The following ERBB4 variants were observed in gnomAD, a reference collection of about 807,000 sequenced individuals.
ERBB4 encodes erb-b2 receptor tyrosine kinase 4, also known as receptor tyrosine-protein kinase erbB-4.
A neutral mutation model predicts 158.0 loss-of-function variants in ERBB4; 42 were observed. The ratio of observed to expected loss-of-function variants is 0.27; its 90% CI spans 0.21 to 0.34. The LOEUF is 0.34. Among genes scored for constraint, ERBB4 ranks in the 10% least tolerant of loss-of-function variants. The probability of loss-of-function intolerance (pLI) is 1.00; values close to 1 mark genes in which losing one functional copy is unlikely to be tolerated. For synonymous variants in ERBB4, 583 were observed against 558.7 expected (o/e 1.04, Z -0.61); for missense variants, 1,333 against 1,624.1 (o/e 0.82, Z 3.08).
chr2:212,415,340 TATTAG>T (rs1214636215), intron 1 of ERBB4, among the ~76,000 whole-genome samples: 6 of 152,266 alleles, frequency 3.9e-5, no homozygotes, highest in African/African-American at 9.6e-5. Context: ...AAGCAGATAC[TATTAG>T]ATTAGATACT....
intron 1 of ERBB4, among the ~76,000 whole-genome samples, chr2:212,271,093 TA>T (rs2085325929): frequency 6.6e-6 from 1 of 151,828 alleles, no homozygotes; most frequent in Non-Finnish European, 1.5e-5. Context: ...ATCGAGCAGT[TA>T]TCATATAATA....
chr2:212,216,717 T>G (rs1204729470), intron 1 of ERBB4, among the ~76,000 whole-genome samples: 3 of 151,342 alleles, frequency 2.0e-5, no homozygotes, highest in Non-Finnish European at 4.4e-5. Context: ...TCTACTATAA[T>G]TGTTCTCACT....
chr2:212,300,729 G>A (rs921631365), intron 1 of ERBB4, among the ~76,000 whole-genome samples: 2 of 151,422 alleles, frequency 1.3e-5, no homozygotes, highest in African/African-American at 2.4e-5. Flanking sequence ...GAACTACCTC[G>A]ATTTTTAGAT....
chr2:211,388,547 T>C (rs768708383), intron 25 of ERBB4, among the ~76,000 whole-genome samples: 32 of 152,190 alleles, frequency 2.1e-4, no homozygotes, highest in Admixed American at 1.1e-3. Context: ...ATATGCTATT[T>C]TATCTTCAGT....
At chr2:211,421,696 G>A (rs1305090075) in intron 24 of ERBB4, among the ~76,000 whole-genome samples, 1 of 151,716 alleles carries the variant, frequency 6.6e-6, no homozygotes, top group Non-Finnish European at 1.5e-5. Context: ...TAATGAACAT[G>A]ACTTACACAT....
chr2:212,525,288 G>C (rs548830707), intron 1 of ERBB4, among the ~76,000 whole-genome samples: 97 of 151,972 alleles, frequency 6.4e-4, no homozygotes, highest in Non-Finnish European at 1.1e-3. Flanking sequence ...CAAAATCAAA[G>C]ATGTCTTCAA....
chr2:211,673,028 T>C (rs908437065), intron 14 of ERBB4, 136 bp downstream of exon 14: 2 of 740,782 alleles, frequency 2.7e-6, no homozygotes, highest in African/African-American at 3.4e-5. Flanking sequence ...TTTAAGCCTC[T>C]TGTAGGCAGA....
chr2:212,439,479 G>C (rs1198628405), intron 1 of ERBB4, among the ~76,000 whole-genome samples: 2 of 151,804 alleles, frequency 1.3e-5, no homozygotes, highest in Non-Finnish European at 2.9e-5. Context: ...ATGGATTCTA[G>C]GATATACCTT....
At chr2:212,063,111 T>A (rs574453769) in intron 2 of ERBB4, among the ~76,000 whole-genome samples, 12 of 152,290 alleles carry the variant, frequency 7.9e-5, no homozygotes, top group Admixed American at 7.2e-4. Context: ...CTGCCATTTT[T>A]AAAAAATTTA....
intron 3 of ERBB4, 102 bp downstream of exon 3, chr2:211,947,328 T>C (rs1335535776): frequency 6.4e-6 from 6 of 936,064 alleles, no homozygotes; most frequent in East Asian, 5.0e-5. Context: ...TTAAATGCCT[T>C]AGAGTGTTCC....
intron 14 of ERBB4, among the ~76,000 whole-genome samples, chr2:211,666,380 T>C (rs1296509531): frequency 6.6e-6 from 1 of 152,182 alleles, no homozygotes; most frequent in Non-Finnish European, 1.5e-5. Flanking sequence ...ACTCATTCTA[T>C]ATATTTATGT....
intron 1 of ERBB4, among the ~76,000 whole-genome samples, chr2:212,425,053 A>T (rs2091877056): frequency 6.6e-6 from 1 of 151,958 alleles, no homozygotes; most frequent in Non-Finnish European, 1.5e-5. Context: ...TATCTTTTAT[A>T]TATGACATTT....
At position 211,701,585 on chromosome 2, in the gene ERBB4, T is replaced by C. The variant is rs184244535; in HGVS notation, c.1489+382A>G. On this transcript the variant is annotated intron_variant, in intron 12 of 27. Coordinates refer to ENST00000342788, the MANE Select transcript of ERBB4 (RefSeq NM_005235.3). ...TCCTGGCTAACACAGCGAAACCCCA[T>C]CTCTACTAAAAATACCAAAAAAATT... Among the ~76,000 whole-genome samples, 890 of 151,236 alleles carry C rather than the reference T, an allele frequency of 5.9e-3. 8 individuals are homozygous for C. Among genetic ancestry groups the C allele is most frequent in the Middle Eastern group, 6.8e-3 (2 of 292 alleles).
intron 4 of ERBB4, among the ~76,000 whole-genome samples, chr2:211,773,619 TATATATA>T (rs1417261206): frequency 1.7e-5 from 1 of 58,052 alleles, no homozygotes; most frequent in African/African-American, 8.6e-5. Flanking sequence ...TATATATATA[TATATATA>T]TATATATATA....
At chr2:212,488,953 T>A (rs889651655) in intron 1 of ERBB4, among the ~76,000 whole-genome samples, 1 of 148,280 alleles carries the variant, frequency 6.7e-6, no homozygotes, top group South Asian at 2.2e-4. Context: ...ACTTCGCCAT[T>A]CATACTAGAT....
Position 211,772,955 on chromosome 2 carries a change from A to ATTTT in ERBB4, c.556+15066_556+15069dup, listed in dbSNP as rs1328976588. Among the ~76,000 whole-genome samples, 83 of 83,294 alleles carry ATTTT rather than the reference A, an allele frequency of 1.0e-3. 5 individuals are homozygous for ATTTT. Among genetic ancestry groups the ATTTT allele is most frequent in the South Asian group, 3.4e-3 (7 of 2,054 alleles). The allele number at this position is 83,294 out of a possible 152,430, so 54.6% of individuals were successfully genotyped here. A position where few individuals can be genotyped will look rare whatever the true frequency, so the allele number is the denominator to read the frequency against. ...TATATATATATATATATATATATATATTTTTTTTTTTAAAGATGGGGTCCT... is the reference window on the plus strand; with the variant it reads ...TATATATATATATATATATATATATATTTTTTTTTTTTTTTAAAGATGGGGTCCT... On this transcript the variant is annotated intron_variant, in intron 4 of 27. Transcript: ENST00000342788.
intron 20 of ERBB4, among the ~76,000 whole-genome samples, chr2:211,504,013 C>T (rs192982438): frequency 2.6e-4 from 39 of 152,258 alleles, no homozygotes; most frequent in African/African-American, 9.1e-4. Context: ...ACTGTCATCA[C>T]TGCAATTGCC....
chr2:211,633,926 A>G (rs543738835), intron 16 of ERBB4, among the ~76,000 whole-genome samples: 1 of 152,320 alleles, frequency 6.6e-6, no homozygotes, highest in South Asian at 2.1e-4. Context: ...TGGGAGGCCA[A>G]GGCAGGTGGA....
intron 1 of ERBB4, among the ~76,000 whole-genome samples, chr2:212,405,745 C>T (rs2091327599): frequency 1.3e-5 from 2 of 152,074 alleles, no homozygotes; most frequent in Admixed American, 1.3e-4. Flanking sequence ...TCCTAGGGAG[C>T]AGCCACACTT....
Sources: allele counts gnomAD v4.1 joint callset (sites outside exome capture counted in the v4.1 genomes callset), GRCh38; gene constraint gnomAD v4.1.1; transcripts MANE v1.5; gene names NCBI Gene and HGNC (gene_info 2026-07-23, HGNC 2026-07-21).